Variants in PUDP observed in about 807,000 individuals in gnomAD.
PUDP encodes the protein pseudouridine-5'-phosphatase.
In PUDP, 8 loss-of-function variants were observed where a neutral mutation model predicts 9.4. The ratio of observed to expected loss-of-function variants is 0.85; its 90% CI spans 0.50 to 1.53. PUDP has a LOEUF of 1.53. Among genes scored for constraint, PUDP ranks in the 40% most tolerant of loss-of-function variants. The pLI, the probability that PUDP is intolerant of heterozygous loss-of-function variation, is 0.00. For synonymous variants in PUDP, 99 were observed against 80.7 expected (o/e 1.23, Z -1.22); for missense variants, 188 against 189.7 (o/e 0.99, Z 0.05).
chrX:6,765,004 C>G (rs774835658), intron 3 of PUDP, among the ~76,000 whole-genome samples: 11 of 110,264 alleles, frequency 1.0e-4, no homozygotes, highest in Non-Finnish European at 2.1e-4. Context: ...TGGTGGCTTA[C>G]GTCTGTAATC....
chrX:7,084,802 C>T (rs1204285140), intron 2 of PUDP: 1 of 112,113 alleles, frequency 8.9e-6, no homozygotes, highest in African/African-American at 3.3e-5. Flanking sequence ...ATTACCTTGA[C>T]GCAGCCACTC....
chrX:7,066,396 G>A (rs568417646), intron 3 of PUDP, among the ~76,000 whole-genome samples: 45 of 111,527 alleles, frequency 4.0e-4, no homozygotes, highest in Non-Finnish European at 7.2e-4. Context: ...AACCGGTTTC[G>A]TAGAGGACAA....
At chrX:7,030,650 A>G (rs140568554) in intron 1 of PUDP, among the ~76,000 whole-genome samples, 3,843 of 111,301 alleles carry the variant, frequency 0.035, 140 homozygotes, top group African/African-American at 0.12. Context: ...TGACAAGGTG[A>G]CACTGGGTGA....
intron 3 of PUDP, among the ~76,000 whole-genome samples, chrX:6,812,611 T>C (rs186950338): frequency 3.5e-4 from 39 of 112,004 alleles, no homozygotes; most frequent in East Asian, 8.4e-4. Context: ...CCTAAGCTTT[T>C]CCTTACATGT....
chrX:7,101,446 A>ATACC (rs1931731939), intron 2 of PUDP, among the ~76,000 whole-genome samples: 1 of 110,490 alleles, frequency 9.1e-6, no homozygotes, highest in African/African-American at 3.4e-5. Flanking sequence ...ACTTAATCTG[A>ATACC]TACCTGCTCG....
At chrX:6,750,954 A>G (rs777548022) in intron 3 of PUDP, among the ~76,000 whole-genome samples, 7 of 110,574 alleles carry the variant, frequency 6.3e-5, no homozygotes, top group Non-Finnish European at 1.3e-4. Context: ...CCTGGCTAAC[A>G]CGGTAAAACC....
At chrX:6,729,650 C>T (rs895467911) in intron 3 of PUDP, among the ~76,000 whole-genome samples, 10 of 111,477 alleles carry the variant, frequency 9.0e-5, no homozygotes, top group Non-Finnish European at 3.8e-5. Flanking sequence ...TTCATAGTAC[C>T]TCCCCACACA....
chrX:6,988,591 G>A (rs1929133857), intron 1 of PUDP, among the ~76,000 whole-genome samples: 1 of 111,594 alleles, frequency 9.0e-6, no homozygotes. Context: ...GCCTTCCTCT[G>A]GAGCCTCAGT....
downstream of PUDP, among the ~76,000 whole-genome samples, chrX:7,046,538 A>G (rs1929985615): frequency 8.9e-6 from 1 of 112,783 alleles, no homozygotes; most frequent in Non-Finnish European, 1.9e-5. Flanking sequence ...TGGAATGACT[A>G]TTTTACCACT....
intron 3 of PUDP, among the ~76,000 whole-genome samples, chrX:6,783,817 C>T (rs923793273): frequency 5.4e-5 from 6 of 111,501 alleles, no homozygotes; most frequent in African/African-American, 2.0e-4. Context: ...TCTCAAAATT[C>T]GCCATCTGCA....
At chrX:7,122,419 T>C (rs759715649) in intron 1 of PUDP, among the ~76,000 whole-genome samples, 5 of 111,856 alleles carry the variant, frequency 4.5e-5, no homozygotes, top group African/African-American at 1.6e-4. Context: ...CAGAGATGAA[T>C]TGGCTCTCCC....
At chrX:6,845,639 G>C (rs1477052890) in intron 3 of PUDP, among the ~76,000 whole-genome samples, 1 of 110,317 alleles carries the variant, frequency 9.1e-6, no homozygotes, top group Non-Finnish European at 1.9e-5. Flanking sequence ...CAGCATGAAG[G>C]ATTGTGTTCC....
At chrX:6,863,141 C>T (rs1927028247) in intron 3 of PUDP, among the ~76,000 whole-genome samples, 1 of 111,832 alleles carries the variant, frequency 8.9e-6, no homozygotes, top group Middle Eastern at 4.3e-3. Flanking sequence ...TCTCAAACTC[C>T]TGGCCTCAAA....
chrX:6,726,087 C>T (rs5989489), upstream of PUDP, among the ~76,000 whole-genome samples: 1,204 of 111,962 alleles, frequency 0.011, 15 homozygotes, highest in African/African-American at 0.037. Flanking sequence ...CTCTCATTGC[C>T]TTACTTCTCC....
chrX:7,086,788 C>T (rs1569156328), intron 2 of PUDP, among the ~76,000 whole-genome samples: 2 of 112,104 alleles, frequency 1.8e-5, no homozygotes, highest in African/African-American at 6.5e-5. Context: ...TATCAGGGAT[C>T]GCCACTTATG....
At chrX:6,876,419 T>A (rs1927252825) in intron 3 of PUDP, among the ~76,000 whole-genome samples, 1 of 111,325 alleles carries the variant, frequency 9.0e-6, no homozygotes, top group Non-Finnish European at 1.9e-5. Context: ...TGTGTGTGCA[T>A]GTGTGTGTGT....
chrX:7,093,939 C>A (rs1271549053), intron 2 of PUDP, among the ~76,000 whole-genome samples: 1 of 110,469 alleles, frequency 9.1e-6, no homozygotes, highest in Non-Finnish European at 1.9e-5. Flanking sequence ...GGCCCTGTCT[C>A]TACAGAAAAG....
At chrX:6,718,920 G>A (rs13440822) in intron 1 of PUDP, among the ~76,000 whole-genome samples, 29,961 of 109,979 alleles carry the variant, frequency 0.27, 3,417 homozygotes, top group Non-Finnish European at 0.36. Context: ...CAGCCAAAAG[G>A]GAAGTTTCAG....
chrX:6,947,508 T>G (rs1445044046), intron 3 of PUDP, among the ~76,000 whole-genome samples: 1 of 112,476 alleles, frequency 8.9e-6, no homozygotes, highest in African/African-American at 3.2e-5. Flanking sequence ...TTAAGCTGTA[T>G]GAGGCTGGGT....
Sources: gnomAD v4.1 joint callset for allele counts (sites outside exome capture counted in the v4.1 genomes callset) on GRCh38, gnomAD v4.1.1 for gene constraint, MANE v1.5 for transcripts, NCBI Gene and HGNC (gene_info 2026-07-23, HGNC 2026-07-21) for gene names.